IPCEF1: variants seen among roughly 807,000 people sequenced by gnomAD.
IPCEF1 encodes interactor protein for cytohesin exchange factors 1.
IPCEF1 carries 31 observed loss-of-function variants against 50.9 expected under a neutral mutation model. The observed-to-expected ratio is 0.61, with a 90% CI of 0.46 to 0.82. IPCEF1 has a LOEUF of 0.82. IPCEF1 is among the 40% of genes least tolerant of loss of function. The pLI is 0.00. For synonymous variants in IPCEF1, 181 were observed against 192.0 expected (o/e 0.94, Z 0.47); for missense variants, 458 against 514.0 (o/e 0.89, Z 1.05).
chr6:154,277,946 G>T (rs1421869779), intron 2 of IPCEF1, among the ~76,000 whole-genome samples: 1 of 151,196 alleles, frequency 6.6e-6, no homozygotes, highest in Non-Finnish European at 1.5e-5. Context: ...TTTCCCACTC[G>T]TACCTCACCT....
At chr6:154,244,629 T>G (rs1780885466) in intron 5 of IPCEF1, among the ~76,000 whole-genome samples, 1 of 152,170 alleles carries the variant, frequency 6.6e-6, no homozygotes, top group African/African-American at 2.4e-5. Context: ...AGCATGAAGT[T>G]CCTAATGCCT....
At position 154,257,236 on chromosome 6, in the gene IPCEF1, C is replaced by T. The variant is rs576487647; in HGVS notation, c.36+8676G>A. 2.6e-5 allele frequency among the ~76,000 whole-genome samples: 4 copies of T among 152,288 alleles called. No homozygotes were observed. The South Asian group carries it at 8.3e-4, about 32-fold the overall frequency. On this transcript the variant is annotated intron_variant, in intron 3 of 11. Transcript: ENST00000367220. ...CAGGCAGTGATTTGGCAACTGTTTC[C>T]TCCATTTATCTTTAGCTCCTTTCAC... is the stretch of plus-strand genomic sequence containing the variant.
intron 1 of IPCEF1, among the ~76,000 whole-genome samples, chr6:154,321,804 A>G (rs906937240): frequency 6.8e-6 from 1 of 148,142 alleles, no homozygotes; most frequent in East Asian, 1.9e-4. Flanking sequence ...AAAAAAAAAA[A>G]AACCAAGGAA....
chr6:154,331,405 A>AAGAAAGAAAGAG (rs60403800), intron 1 of IPCEF1, among the ~76,000 whole-genome samples: 3,405 of 92,694 alleles, frequency 0.037, 96 homozygotes, highest in South Asian at 0.089. Context: ...GAAAGAAAGA[A>AAGAAAGAAAGAG]AGAGAGAGAA....
intron 2 of IPCEF1, among the ~76,000 whole-genome samples, chr6:154,284,069 C>T (rs75490466): frequency 0.037 from 5,612 of 152,134 alleles, 328 homozygotes; most frequent in African/African-American, 0.13. Context: ...GTTTCCTATT[C>T]CTAGCTTGAT....
chr6:154,165,211 T>C (rs9479770), intron 11 of IPCEF1, among the ~76,000 whole-genome samples: 8,369 of 152,112 alleles, frequency 0.055, 280 homozygotes, highest in African/African-American at 0.062. Flanking sequence ...TATCACAAAA[T>C]AAACACTTCC....
intron 1 of IPCEF1, among the ~76,000 whole-genome samples, chr6:154,341,367 C>T (rs576865276): frequency 3.3e-5 from 5 of 152,230 alleles, no homozygotes; most frequent in Admixed American, 2.0e-4. Context: ...GAGTACAAGT[C>T]GCCAGGGTGG....
At chr6:154,327,987 A>G (rs1261048913) in intron 1 of IPCEF1, among the ~76,000 whole-genome samples, 1 of 152,142 alleles carries the variant, frequency 6.6e-6, no homozygotes, top group Admixed American at 6.6e-5. Context: ...ACCAAATACA[A>G]CATGTTCTCA....
At chr6:154,245,405 C>T (rs2128641301) in intron 5 of IPCEF1, among the ~76,000 whole-genome samples, 1 of 152,144 alleles carries the variant, frequency 6.6e-6, no homozygotes, top group East Asian at 1.9e-4. Context: ...TGCTTATTCC[C>T]AGCACTGGAA....
chr6:154,348,248 T>A (rs1475286271), intron 1 of IPCEF1, among the ~76,000 whole-genome samples: 1 of 152,158 alleles, frequency 6.6e-6, no homozygotes, highest in Non-Finnish European at 1.5e-5. Flanking sequence ...AAGTCCCCAT[T>A]ACCTACGCAA....
chr6:154,188,410 C>A (rs1049398516), intron 10 of IPCEF1, among the ~76,000 whole-genome samples: 2 of 152,094 alleles, frequency 1.3e-5, no homozygotes, highest in Non-Finnish European at 2.9e-5. Flanking sequence ...AAATTTTAGA[C>A]CATAACGATT....
intron 7 of IPCEF1, among the ~76,000 whole-genome samples, chr6:154,216,015 T>C (rs897335132): frequency 6.6e-6 from 1 of 152,236 alleles, no homozygotes; most frequent in East Asian, 1.9e-4. Flanking sequence ...TGTCACCTTT[T>C]GTTGAATTAA....
intron 11 of IPCEF1, among the ~76,000 whole-genome samples, chr6:154,162,976 G>T (rs2128549223): frequency 6.6e-6 from 1 of 152,208 alleles, no homozygotes; most frequent in Middle Eastern, 3.4e-3. Context: ...AGCACTTAAT[G>T]GTAACTCCGT....
At chr6:154,221,145 G>A in intron 7 of IPCEF1, 112 bp downstream of exon 7, 1 of 760,342 alleles carries the variant, frequency 1.3e-6, no homozygotes, top group South Asian at 2.0e-5. Context: ...AATCCTTAAA[G>A]TAACAGAAAT....
At chr6:154,310,841 G>A (rs1249978239) in intron 1 of IPCEF1, among the ~76,000 whole-genome samples, 1 of 152,066 alleles carries the variant, frequency 6.6e-6, no homozygotes, top group Admixed American at 6.6e-5. Flanking sequence ...ATTACTAGGG[G>A]CTGGGGATGG....
chr6:154,224,719 C>A (rs547739460), intron 5 of IPCEF1, among the ~76,000 whole-genome samples: 18 of 151,856 alleles, frequency 1.2e-4, no homozygotes, highest in African/African-American at 4.1e-4. Flanking sequence ...TTAAAAAAAA[C>A]AAACAAACAA....
At chr6:154,304,058 T>G (rs1534446) in intron 1 of IPCEF1, among the ~76,000 whole-genome samples, 24,718 of 147,296 alleles carry the variant, frequency 0.17, 2,656 homozygotes, top group East Asian at 0.33. Flanking sequence ...GATCCCACTT[T>G]TGTAAAAAAA....
chr6:154,200,068 A>C, intron 9 of IPCEF1, 28 bp from the exon 10 acceptor site: 1 of 1,557,794 alleles, frequency 6.4e-7, no homozygotes, highest in Non-Finnish European at 8.7e-7. Flanking sequence ...AACCAAAAAA[A>C]GAATAAAAGA....
chr6:154,335,901 A>G (rs1022667292), intron 1 of IPCEF1, among the ~76,000 whole-genome samples: 1 of 152,220 alleles, frequency 6.6e-6, no homozygotes, highest in Non-Finnish European at 1.5e-5. Flanking sequence ...AACACACAAC[A>G]TCACTAACTT....
Sources: allele counts gnomAD v4.1 joint callset (sites outside exome capture counted in the v4.1 genomes callset), GRCh38; gene constraint gnomAD v4.1.1; transcripts MANE v1.5; gene names NCBI Gene and HGNC (gene_info 2026-07-23, HGNC 2026-07-21).